The following CCN4 variants were observed in gnomAD, a reference collection of about 807,000 sequenced individuals.
The protein encoded by CCN4 is CCN family member 4.
In CCN4, 30 loss-of-function variants were observed where a neutral mutation model predicts 36.7. The ratio of observed to expected loss-of-function variants is 0.82; its 90% CI spans 0.61 to 1.11. The LOEUF is 1.11. Ranked by LOEUF, CCN4 falls within the 50% of genes least tolerant of loss-of-function variation. The pLI, the probability that CCN4 is intolerant of heterozygous loss-of-function variation, is 0.00. For synonymous variants in CCN4, 191 were observed against 195.4 expected, an observed-to-expected ratio of 0.98 and a Z score of 0.19; for missense variants, 505 against 504.9, an observed-to-expected ratio of 1.00 and a Z score of 0.00.
At chr8:133,207,505 G>C (rs896747768) in intron 1 of CCN4, among the ~76,000 whole-genome samples, 1 of 152,220 alleles carries the variant, frequency 6.6e-6, no homozygotes, top group Non-Finnish European at 1.5e-5. Flanking sequence ...GCAGTGATCA[G>C]AGGCAGAAGA....
intron 2 of CCN4, among the ~76,000 whole-genome samples, chr8:133,217,872 T>C (rs1369785049): frequency 6.6e-6 from 1 of 150,904 alleles, no homozygotes; most frequent in Non-Finnish European, 1.5e-5. Context: ...CATCTAGCAC[T>C]GACCTCTCCC....
At chr8:133,207,262 G>C (rs548052892) in intron 1 of CCN4, among the ~76,000 whole-genome samples, 5 of 152,360 alleles carry the variant, frequency 3.3e-5, no homozygotes, top group Non-Finnish European at 5.9e-5. Context: ...TAGACCACCC[G>C]AATGGCAGCT....
At chr8:133,220,331 C>T (rs999204597) in intron 2 of CCN4, among the ~76,000 whole-genome samples, 4 of 152,174 alleles carry the variant, frequency 2.6e-5, no homozygotes, top group Non-Finnish European at 5.9e-5. Context: ...TGCGTCCTTC[C>T]ACTCCCTGGG....
At chr8:133,205,079 G>A (rs1307609881) in intron 1 of CCN4, among the ~76,000 whole-genome samples, 1 of 152,230 alleles carries the variant, frequency 6.6e-6, no homozygotes, top group Non-Finnish European at 1.5e-5. Flanking sequence ...GCTGAGGAGG[G>A]AGGGGTATGG....
intron 3 of CCN4, among the ~76,000 whole-genome samples, chr8:133,224,797 G>A (rs1036076427): frequency 6.6e-6 from 1 of 152,038 alleles, no homozygotes; most frequent in African/African-American, 2.4e-5. Flanking sequence ...AGCCGGGCAT[G>A]GTGGCCCATG....
chr8:133,201,862 AAG>A (rs1264839774), intron 1 of CCN4, among the ~76,000 whole-genome samples: 1 of 140,684 alleles, frequency 7.1e-6, no homozygotes, highest in African/African-American at 3.3e-5. Flanking sequence ...AAGAAAAGAA[AAG>A]AAAAGAAAAA....
intron 1 of CCN4, among the ~76,000 whole-genome samples, chr8:133,194,747 T>TGTGGTGTG (rs1853298834): frequency 3.1e-5 from 1 of 32,276 alleles, no homozygotes; most frequent in Non-Finnish European, 5.4e-5. Context: ...TGTGGTGTGT[T>TGTGGTGTG]TGTGGGGTAT....
chr8:133,218,591 A>G (rs1355795579), intron 2 of CCN4, among the ~76,000 whole-genome samples: 1 of 152,230 alleles, frequency 6.6e-6, no homozygotes, highest in Non-Finnish European at 1.5e-5. Context: ...CCTGCTAGAC[A>G]TTAGGATTAC....
At chr8:133,194,293 GGT>G (rs200747824) in intron 1 of CCN4, among the ~76,000 whole-genome samples, 7 of 118,434 alleles carry the variant, frequency 5.9e-5, no homozygotes, top group Admixed American at 8.5e-5. Flanking sequence ...GGGTGTGTCT[GGT>G]GTGTGTGTGT....
chr8:133,218,401 C>T (rs17713284), intron 2 of CCN4, among the ~76,000 whole-genome samples: 45,893 of 152,060 alleles, frequency 0.3, 8,176 homozygotes, highest in Middle Eastern at 0.46. Flanking sequence ...TTCTGCTTCC[C>T]GCTGTGGTCA....
rs1317326427 is a variant in CCN4 at position 133,213,129 on chromosome 8, T to G, written c.335T>G (p.Ile112Arg). The change falls in exon 2 of 5, where the codon ATA becomes AGA. Residue 112 changes from isoleucine (I) to arginine (R), a missense_variant. Transcript: ENST00000250160. ...DYSGDRPRYA[I>R]GVCAQVVGVG... ...AGCGGGGACCGCCCGAGGTACGCAA[T>G]AGGAGTGTGTGCACGTAAGTGAGTC... is the stretch of plus-strand genomic sequence containing the variant. 6 of 1,593,300 alleles carry G rather than the reference T, an allele frequency of 3.8e-6. No homozygotes were observed. Among genetic ancestry groups the G allele is most frequent in the Non-Finnish European group, 5.1e-6 (6 of 1,170,896 alleles).
intron 1 of CCN4, among the ~76,000 whole-genome samples, chr8:133,193,901 G>A (rs1283682934): frequency 2.6e-5 from 4 of 152,128 alleles, no homozygotes; most frequent in Admixed American, 6.6e-5. Flanking sequence ...CAGGGGTAAC[G>A]TCAGCCAGAG....
chr8:133,206,147 C>A (rs1853763214), intron 1 of CCN4, among the ~76,000 whole-genome samples: 1 of 152,160 alleles, frequency 6.6e-6, no homozygotes, highest in African/African-American at 2.4e-5. Flanking sequence ...GGAGCCACAG[C>A]TCTGACCCAG....
Position 133,213,956 on chromosome 8 carries a change from T to A in CCN4, c.349+813T>A, listed in dbSNP as rs1427986575. Reference sequence around the variant, plus strand: ...ATATATACACTATATATAGTAGTTATATATACTATATATACACTATATATA... The same window carrying A: ...ATATATACACTATATATAGTAGTTAAATATACTATATATACACTATATATA... On this transcript the variant is annotated intron_variant, in intron 2 of 4. Transcript: ENST00000250160. Among the ~76,000 whole-genome samples, 12 of 62,090 alleles carry A rather than the reference T, an allele frequency of 1.9e-4. 1 individual carries two copies. Among genetic ancestry groups the A allele is most frequent in the South Asian group, 9.0e-4 (2 of 2,220 alleles). The allele number at this position is 62,090 out of a possible 152,430, so 40.7% of individuals were successfully genotyped here. A position where few individuals can be genotyped will look rare whatever the true frequency, so the allele number is the denominator to read the frequency against.
At chr8:133,198,008 G>A (rs1853451797) in intron 1 of CCN4, among the ~76,000 whole-genome samples, 1 of 152,268 alleles carries the variant, frequency 6.6e-6, no homozygotes, top group African/African-American at 2.4e-5. Context: ...TAGAAGACCA[G>A]GGGGAAATAG....
chr8:133,191,347 A>G (rs900840399), intron 1 of CCN4, 134 bp downstream of exon 1: 70 of 1,064,286 alleles, frequency 6.6e-5, no homozygotes, highest in Non-Finnish European at 9.3e-5. Context: ...TTACAGGGCA[A>G]GGACAGAGCC....
intron 1 of CCN4, among the ~76,000 whole-genome samples, chr8:133,210,640 G>A (rs943832097): frequency 2.0e-5 from 3 of 152,122 alleles, no homozygotes; most frequent in African/African-American, 7.2e-5. Flanking sequence ...TGGCCATTCT[G>A]GTGTCTGTCT....
intron 1 of CCN4, among the ~76,000 whole-genome samples, chr8:133,212,004 G>A (rs1227989611): frequency 6.6e-6 from 1 of 152,174 alleles, no homozygotes; most frequent in Non-Finnish European, 1.5e-5. Flanking sequence ...CCGCTCCTCA[G>A]GCCTGGGCAG....
Position 133,212,854 on chromosome 8 carries a change from C to G in CCN4, c.70-10C>G, listed in dbSNP as rs1254727354. ...AGCAGCCCCCCTTTCCCTCTGCCCTCCCCCCGCAGGCCCTCTCTCCAGCCC... is the reference window on the plus strand; with the variant it reads ...AGCAGCCCCCCTTTCCCTCTGCCCTGCCCCCGCAGGCCCTCTCTCCAGCCC... On this transcript the variant is annotated splice_polypyrimidine_tract_variant and intron_variant, in intron 1 of 4. Coordinates refer to ENST00000250160, the MANE Select transcript of CCN4 (RefSeq NM_003882.4). 3 of 1,553,438 alleles carry G rather than the reference C, an allele frequency of 1.9e-6. No individual in the cohort carries two copies. The Admixed American group carries it at 5.2e-5, about 27-fold the overall frequency.
Sources: gnomAD v4.1 joint callset for allele counts (sites outside exome capture counted in the v4.1 genomes callset) on GRCh38, gnomAD v4.1.1 for gene constraint, MANE v1.5 for transcripts, NCBI Gene and HGNC (gene_info 2026-07-23, HGNC 2026-07-21) for gene names.